GRK4: variants seen among roughly 807,000 people sequenced by gnomAD.
GRK4 encodes G protein-coupled receptor kinase 4.
Under a neutral mutation model 77.9 loss-of-function variants are expected in GRK4, and 73 were observed. The ratio of observed to expected loss-of-function variants is 0.94; its 90% CI spans 0.78 to 1.14. The LOEUF (loss-of-function observed/expected upper bound fraction) is 1.14, where lower values mean the gene tolerates loss of function less well. Ranked by LOEUF, GRK4 falls within the 50% of genes most tolerant of loss-of-function variation. The pLI is 0.00. For missense variants in GRK4, 729 were observed against 700.2 expected (o/e 1.04, Z -0.46); for synonymous variants, 257 against 254.4 (o/e 1.01, Z -0.10).
chr4:3,028,263 CG>C (rs1738166076), intron 11 of GRK4, among the ~76,000 whole-genome samples: 1 of 152,092 alleles, frequency 6.6e-6, no homozygotes, highest in African/African-American at 2.4e-5. Flanking sequence ...AGGGCAGAAT[CG>C]GGATGACACC....
At chr4:3,024,860 AAAAC>A (rs996495741) in intron 10 of GRK4, among the ~76,000 whole-genome samples, 4 of 152,158 alleles carry the variant, frequency 2.6e-5, no homozygotes, top group Admixed American at 6.5e-5. Context: ...TCCGTCTCAA[AAAAC>A]AAACAAACAA....
intron 12 of GRK4, among the ~76,000 whole-genome samples, chr4:3,029,626 G>C (rs527882941): frequency 2.0e-5 from 3 of 151,344 alleles, no homozygotes; most frequent in Non-Finnish European, 4.4e-5. Flanking sequence ...GGGAGGACAC[G>C]TGTGTTCAGG....
intron 4 of GRK4, among the ~76,000 whole-genome samples, chr4:2,998,362 A>G (rs888070575): frequency 2.6e-5 from 4 of 152,214 alleles, no homozygotes; most frequent in Admixed American, 6.5e-5. Context: ...GTTTAAAAAA[A>G]AAAAGAAAAG....
At chr4:3,029,764 T>A (rs7696040) in intron 12 of GRK4, among the ~76,000 whole-genome samples, 1 of 151,360 alleles carries the variant, frequency 6.6e-6, no homozygotes, top group African/African-American at 2.4e-5. Context: ...AACCTGTCTC[T>A]TGGCCCAGCA....
chr4:3,022,509 C>G, intron 10 of GRK4, 58 bp downstream of exon 10: 1 of 1,491,520 alleles, frequency 6.7e-7, no homozygotes, highest in Non-Finnish European at 9.3e-7. Flanking sequence ...GACTTGGATA[C>G]AGAAAGTTGG....
chr4:3,022,793 C>G (rs1431662632), intron 10 of GRK4, among the ~76,000 whole-genome samples: 3 of 151,934 alleles, frequency 2.0e-5, no homozygotes, highest in African/African-American at 7.3e-5. Context: ...CTCAAATGAC[C>G]CTCCCATCTC....
In GRK4 at chr4:2,994,064, C is replaced by A. The variant is rs966479087; in HGVS notation, c.339+1772C>A. ...GTGGGTGTCAGAGGTGTGATTCAGA[C>A]CCTAATGAGTTTTCTACCCCAGCCT... On this transcript the variant is annotated intron_variant, in intron 4 of 15. Transcript: ENST00000398052. 4.6e-5 allele frequency among the ~76,000 whole-genome samples: 7 copies of A among 152,228 alleles called. No individual in the cohort carries two copies. In the East Asian group the frequency reaches 1.4e-3, roughly 29 times the overall value.
chr4:3,035,357 C>T (rs764809722), intron 12 of GRK4, 29 bp from the exon 13 acceptor site: 2 of 1,613,122 alleles, frequency 1.2e-6, no homozygotes, highest in Non-Finnish European at 1.7e-6. Context: ...TCCAGAGGCT[C>T]AAGTGGGTTG....
intron 1 of GRK4, among the ~76,000 whole-genome samples, chr4:2,976,479 C>T (rs1358175843): frequency 1.3e-5 from 2 of 151,974 alleles, no homozygotes; most frequent in Admixed American, 6.6e-5. Context: ...CCAATTCTAG[C>T]ATTGCAAATA....
chr4:3,008,189 A>C (rs1267827370), intron 6 of GRK4, among the ~76,000 whole-genome samples: 3 of 152,208 alleles, frequency 2.0e-5, no homozygotes, highest in Admixed American at 1.3e-4. Context: ...CATTTCTTCT[A>C]ATTTAATAGA....
intron 13 of GRK4, among the ~76,000 whole-genome samples, chr4:3,036,852 AC>A (rs1186242550): frequency 2.6e-5 from 4 of 152,164 alleles, no homozygotes; most frequent in Non-Finnish European, 5.9e-5. Context: ...CCAGGAGTGC[AC>A]CAAGAATTGG....
intron 3 of GRK4, among the ~76,000 whole-genome samples, chr4:2,990,495 G>T (rs1054110690): frequency 6.6e-6 from 1 of 152,098 alleles, no homozygotes; most frequent in Admixed American, 6.6e-5. Context: ...GACCTCAGGT[G>T]ATCTGCCCGT....
At position 2,984,505 on chromosome 4, in the gene GRK4, A is replaced by G. The variant is rs1723699374; in HGVS notation, c.53-8A>G. ...TAAAGGAAATTGCCTTTTTTCTCCCAAATTCAGGAGGATATGGCAAAAAAA... is the reference window on the plus strand; with the variant it reads ...TAAAGGAAATTGCCTTTTTTCTCCCGAATTCAGGAGGATATGGCAAAAAAA... On this transcript the variant is annotated splice_polypyrimidine_tract_variant and splice_region_variant and intron_variant, in intron 1 of 15. Coordinates refer to ENST00000398052, the MANE Select transcript of GRK4 (RefSeq NM_182982.3). The G allele has an allele frequency of 6.3e-7, 1 of 1,584,994 alleles. No homozygotes were observed. The highest frequency in any genetic ancestry group is 8.6e-7 in the Non-Finnish European group (1 of 1,156,108).
Position 3,007,741 on chromosome 4 carries a change from C to A in GRK4, c.449C>A (p.Ala150Asp), listed in dbSNP as rs571314364. 6.3e-7 allele frequency: 1 copy of A among 1,583,594 alleles called. No homozygotes were observed. Among genetic ancestry groups the A allele is most frequent in the South Asian group, 1.2e-5 (1 of 85,624 alleles). Residue 150 changes from alanine to aspartate, a missense_variant, in exon 6 of 16, where the codon GCC becomes GAC. Transcript: ENST00000398052. ...KKAFEECTRVAHNYLRGEPFE... is the reference protein window; with the variant it reads ...KKAFEECTRVDHNYLRGEPFE... ...TTTAAAAAATCTTTTTCTAGAGTTG[C>A]CCATAACTACCTAAGAGGGGAACCA...
At chr4:3,040,176 C>T (rs1354762448) in intron 15 of GRK4, among the ~76,000 whole-genome samples, 1 of 152,206 alleles carries the variant, frequency 6.6e-6, no homozygotes, top group African/African-American at 2.4e-5. Flanking sequence ...CACGCTGGCT[C>T]ACACCTGTAA....
Position 3,039,698 on chromosome 4 carries a change from T to TA in GRK4, c.1684-855dup, listed in dbSNP as rs10672202. Among the ~76,000 whole-genome samples the TA allele has an allele frequency of 6.6e-3, 764 of 115,178 alleles. 5 individuals are homozygous for TA. The highest frequency in any genetic ancestry group is 0.011 in the South Asian group (37 of 3,354). The allele number at this position is 115,178 out of a possible 152,430, so 75.6% of individuals were successfully genotyped here. A position where few individuals can be genotyped will look rare whatever the true frequency, so the allele number is the denominator to read the frequency against. On this transcript the variant is annotated intron_variant, in intron 15 of 15. Transcript: ENST00000398052. ...GGGTGACAAGAGTGAAACTCTGTCT[T>TA]AAAAAAAAAAAAAAAAAAAGGAAAA... is the stretch of plus-strand genomic sequence containing the variant.
chr4:2,965,272 T>C (rs1717218359), intron 1 of GRK4: 1 of 702,944 alleles, frequency 1.4e-6, no homozygotes, highest in Non-Finnish European at 2.6e-6. Flanking sequence ...AAAGCATCAG[T>C]TGGTCCAGCC....
At chr4:3,028,066 G>C (rs1245709705) in intron 11 of GRK4, 65 bp downstream of exon 11, 1 of 1,409,884 alleles carries the variant, frequency 7.1e-7, no homozygotes, top group Non-Finnish European at 1.0e-6. Context: ...TCAGAACACA[G>C]AGAAATCCAC....
intron 5 of GRK4, among the ~76,000 whole-genome samples, chr4:3,006,380 C>CAAAA (rs796221342): frequency 6.0e-5 from 6 of 100,384 alleles, no homozygotes; most frequent in Admixed American, 1.1e-4. Context: ...AACTCCGCCT[C>CAAAA]AAAAAAAAAA....
Sources: allele counts gnomAD v4.1 joint callset (sites outside exome capture counted in the v4.1 genomes callset), GRCh38; gene constraint gnomAD v4.1.1; transcripts MANE v1.5; gene names NCBI Gene and HGNC (gene_info 2026-07-23, HGNC 2026-07-21).